The following JCAD variants were observed in gnomAD, a reference collection of about 807,000 sequenced individuals.
The protein encoded by JCAD is junctional cadherin 5 associated, also known as junctional cadherin 5-associated protein.
In JCAD, 40 loss-of-function variants were observed where a neutral mutation model predicts 98.0. The ratio of observed to expected loss-of-function variants is 0.41; its 90% CI spans 0.32 to 0.53. JCAD has a LOEUF of 0.53. Among genes scored for constraint, JCAD ranks in the 20% least tolerant of loss-of-function variants. The pLI is 0.31. For missense variants in JCAD, 1,705 were observed against 1,738.1 expected, an observed-to-expected ratio of 0.98 and a Z score of 0.34; for synonymous variants, 691 against 682.3, an observed-to-expected ratio of 1.01 and a Z score of -0.20.
chr10:30,070,168 A>G (rs1837860042), intron 1 of JCAD, among the ~76,000 whole-genome samples: 1 of 152,228 alleles, frequency 6.6e-6, no homozygotes, highest in Admixed American at 6.5e-5. Context: ...AGAAAAGAAA[A>G]TAAATCAAAT....
upstream of JCAD, among the ~76,000 whole-genome samples, chr10:30,063,620 T>G (rs576234408): frequency 1.3e-5 from 2 of 152,214 alleles, no homozygotes; most frequent in South Asian, 2.1e-4. Flanking sequence ...AAAAAAAAAT[T>G]TGTTGTCTTC....
chr10:30,075,610 G>A (rs770575063), intron 1 of JCAD, among the ~76,000 whole-genome samples: 1 of 152,110 alleles, frequency 6.6e-6, no homozygotes, highest in Non-Finnish European at 1.5e-5. Context: ...GAAGCTACGC[G>A]GAATACAAAT....
intron 1 of JCAD, among the ~76,000 whole-genome samples, chr10:30,075,724 A>T (rs1455768366): frequency 6.6e-6 from 1 of 152,228 alleles, no homozygotes; most frequent in South Asian, 2.1e-4. Flanking sequence ...GGAGCAGCAC[A>T]CTAGAAAAAT....
At chr10:30,090,313 G>A (rs575935771) in intron 1 of JCAD, among the ~76,000 whole-genome samples, 6 of 152,282 alleles carry the variant, frequency 3.9e-5, no homozygotes, top group South Asian at 2.1e-4. Context: ...AGGCTGAGGC[G>A]GGTGGATCAC....
chr10:30,068,390 CAAAAAAAA>C (rs34060997), intron 2 of JCAD, among the ~76,000 whole-genome samples: 1,870 of 48,254 alleles, frequency 0.039, 72 homozygotes, highest in East Asian at 0.2. Context: ...AACTCTGTCT[CAAAAAAAA>C]AAAAAAAAAA....
Position 30,028,462 on chromosome 10 carries a change from T to C in JCAD, c.1686A>G (p.Gln562=), listed in dbSNP as rs545979191. ...AACTTTTCTTGGTCCGAGTCCCAGT[T>C]TGGAACTTTTTGAGCTTGGTTTGAG... ...CETQTKLKKF[Q]TGTRTKKSSK... is the part of the protein sequence containing the mutation. The change falls in exon 3 of 4, where the codon CAA becomes CAG. Residue 562 remains glutamine (Q), a synonymous_variant. Transcript: ENST00000375377. 1.9e-6 allele frequency: 3 copies of C among 1,614,206 alleles called. No homozygotes were observed. The highest frequency in any genetic ancestry group is 2.5e-6 in the Non-Finnish European group (3 of 1,180,028).
chr10:30,028,342 GT>G lies in JCAD; in HGVS notation c.1805del (p.Asp602AlafsTer2). On this transcript the variant is annotated frameshift_variant, in exon 3 of 4. Coordinates refer to ENST00000375377, the MANE Select transcript of JCAD (RefSeq NM_020848.4). LOFTEE classifies it high-confidence loss of function. ...TCTTTTGATCAGCACTGGGCTTTAA[GT>G]CATTGTTGTCCATATCTCTATCTGG... is the stretch of plus-strand genomic sequence containing the variant. ...HLPDRDMDNNDLKPSADQKNG... is the reference protein window; with the variant it reads ...HLPDRDMDNNXLKPSADQKNG... 6.2e-7 allele frequency: 1 copy of G among 1,614,192 alleles called. No homozygotes were observed. Among genetic ancestry groups the G allele is most frequent in the Non-Finnish European group, 8.5e-7 (1 of 1,180,042 alleles).
At chr10:30,034,247 A>G (rs1284759307) in intron 2 of JCAD, among the ~76,000 whole-genome samples, 1 of 151,258 alleles carries the variant, frequency 6.6e-6, no homozygotes, top group East Asian at 1.9e-4. Flanking sequence ...TAATAATAAT[A>G]ATGATAATAA....
At chr10:30,098,266 C>T (rs1838409998) in intron 1 of JCAD, among the ~76,000 whole-genome samples, 1 of 152,072 alleles carries the variant, frequency 6.6e-6, no homozygotes, top group African/African-American at 2.4e-5. Flanking sequence ...CTGAAGGTGC[C>T]GTGATCCTTC....
At chr10:30,022,437 C>T (rs2487927) in intron 3 of JCAD, among the ~76,000 whole-genome samples, 51,741 of 152,070 alleles carry the variant, frequency 0.34, 10,518 homozygotes, top group Non-Finnish European at 0.45. Flanking sequence ...TGATTAAATA[C>T]ATCAAAAGGA....
chr10:30,066,285 A>G (rs1237066982), intron 2 of JCAD, among the ~76,000 whole-genome samples: 1 of 152,188 alleles, frequency 6.6e-6, no homozygotes, highest in East Asian at 1.9e-4. Flanking sequence ...CTATACCTCC[A>G]CTGTGAGGAG....
chr10:30,115,326 T>C (rs1838773474), intron 1 of JCAD: 1 of 152,200 alleles, frequency 6.6e-6, no homozygotes, highest in Non-Finnish European at 1.5e-5. Flanking sequence ...TTCTTAATCA[T>C]CCTTTCAACA....
chr10:30,038,337 C>T (rs1837163627), intron 2 of JCAD, among the ~76,000 whole-genome samples: 1 of 152,070 alleles, frequency 6.6e-6, no homozygotes, highest in Non-Finnish European at 1.5e-5. Flanking sequence ...GGAGACTACT[C>T]ATGCAAGGGG....
At chr10:30,062,878 G>C (rs1589701476), upstream of JCAD, among the ~76,000 whole-genome samples, 1 of 152,318 alleles carries the variant, frequency 6.6e-6, no homozygotes, top group East Asian at 1.9e-4. Flanking sequence ...GGGACACAGA[G>C]CCAAACCATA....
At chr10:30,040,555 T>C (rs969240397) in intron 2 of JCAD, among the ~76,000 whole-genome samples, 16 of 152,218 alleles carry the variant, frequency 1.1e-4, no homozygotes, top group Non-Finnish European at 1.5e-5. Context: ...ATTCAACAAA[T>C]ATTTATGGAG....
At chr10:30,064,544 T>G (rs1837752088), upstream of JCAD, among the ~76,000 whole-genome samples, 1 of 152,302 alleles carries the variant, frequency 6.6e-6, no homozygotes, top group South Asian at 2.1e-4. Flanking sequence ...AAATCCTCTC[T>G]TCTAGCAATT....
chr10:30,092,054 A>ATATATAT (rs1564469851), intron 1 of JCAD, among the ~76,000 whole-genome samples: 3 of 25,714 alleles, frequency 1.2e-4, no homozygotes, highest in African/African-American at 4.4e-4. Flanking sequence ...AAAAAAAAAA[A>ATATATAT]AAAAAAAAAA....
intron 2 of JCAD, among the ~76,000 whole-genome samples, chr10:30,035,613 G>C (rs1837091216): frequency 6.6e-6 from 1 of 151,968 alleles, no homozygotes; most frequent in Admixed American, 6.6e-5. Flanking sequence ...TGCTGCATAG[G>C]GTTTCAAAGC....
At chr10:30,094,818 C>T (rs1169128857) in intron 1 of JCAD, among the ~76,000 whole-genome samples, 1 of 152,220 alleles carries the variant, frequency 6.6e-6, no homozygotes, top group Admixed American at 6.5e-5. Flanking sequence ...CTCCCACCTC[C>T]TCCCGAATAT....
Sources: gnomAD v4.1 joint callset for allele counts (sites outside exome capture counted in the v4.1 genomes callset) on GRCh38, gnomAD v4.1.1 for gene constraint, MANE v1.5 for transcripts, NCBI Gene and HGNC (gene_info 2026-07-23, HGNC 2026-07-21) for gene names.